KCNIP1: variants seen among roughly 807,000 people sequenced by gnomAD.
KCNIP1 encodes the protein potassium voltage-gated channel interacting protein 1.
In KCNIP1, 18 loss-of-function variants were observed where a neutral mutation model predicts 33.0. The ratio of observed to expected loss-of-function variants is 0.55; its 90% CI spans 0.38 to 0.81. The LOEUF is 0.81. Among genes scored for constraint, KCNIP1 ranks in the 30% least tolerant of loss-of-function variants. KCNIP1 has a pLI of 0.00. For missense variants in KCNIP1, 238 were observed against 271.6 expected (o/e 0.88, Z 0.87); for synonymous variants, 93 against 98.3 (o/e 0.95, Z 0.32).
At chr5:170,637,326 C>G (rs1444147729) in intron 1 of KCNIP1, among the ~76,000 whole-genome samples, 1 of 152,080 alleles carries the variant, frequency 6.6e-6, no homozygotes, top group Non-Finnish European at 1.5e-5. Flanking sequence ...ATCCAAATGA[C>G]CACCGCACCC....
intron 1 of KCNIP1, among the ~76,000 whole-genome samples, chr5:170,670,384 C>A (rs911849397): frequency 1.3e-5 from 2 of 152,152 alleles, no homozygotes; most frequent in African/African-American, 2.4e-5. Context: ...CTGACCTAAC[C>A]CTTCCAAGGA....
At chr5:170,448,418 T>C (rs1756168652) in intron 1 of KCNIP1, among the ~76,000 whole-genome samples, 1 of 152,256 alleles carries the variant, frequency 6.6e-6, no homozygotes, top group Non-Finnish European at 1.5e-5. Context: ...AGTGCTCACA[T>C]TGCTGTGCTC....
chr5:170,376,833 A>G (rs1764023722), intron 1 of KCNIP1: 1 of 152,222 alleles, frequency 6.6e-6, no homozygotes, highest in South Asian at 2.1e-4. Context: ...AAGTGTACCT[A>G]TGTAACAAAC....
chr5:170,676,173 G>GGAGGAAAGGA (rs1762133081), intron 1 of KCNIP1, among the ~76,000 whole-genome samples: 1 of 100,946 alleles, frequency 9.9e-6, no homozygotes, highest in Non-Finnish European at 2.0e-5. Flanking sequence ...GGGAAAGAAG[G>GGAGGAAAGGA]AAGGAAAGGA....
chr5:170,552,214 A>G (rs1756673882), intron 1 of KCNIP1, among the ~76,000 whole-genome samples: 1 of 152,132 alleles, frequency 6.6e-6, no homozygotes, highest in East Asian at 1.9e-4. Context: ...TGGCGTCTGA[A>G]ATAAATGAAC....
At chr5:170,508,600 C>T (rs1003225388) in intron 1 of KCNIP1, among the ~76,000 whole-genome samples, 29 of 152,228 alleles carry the variant, frequency 1.9e-4, no homozygotes, top group Non-Finnish European at 7.3e-5. Flanking sequence ...ATGCTAGTTT[C>T]TTTATCTGCA....
At chr5:170,518,359 G>A (rs926917711) in intron 1 of KCNIP1, among the ~76,000 whole-genome samples, 1 of 152,178 alleles carries the variant, frequency 6.6e-6, no homozygotes, top group Admixed American at 6.5e-5. Flanking sequence ...GAAAGAATAA[G>A]ACAAATCAGC....
intron 1 of KCNIP1, among the ~76,000 whole-genome samples, chr5:170,569,907 G>A (rs1757337363): frequency 6.6e-6 from 1 of 152,164 alleles, no homozygotes; most frequent in Admixed American, 6.5e-5. Flanking sequence ...AATTTAGCAT[G>A]GAGCGAGCCT....
chr5:170,416,617 C>T (rs1168804460), intron 1 of KCNIP1, among the ~76,000 whole-genome samples: 3 of 152,074 alleles, frequency 2.0e-5, no homozygotes, highest in African/African-American at 7.2e-5. Flanking sequence ...TCAGGCCACT[C>T]AGTATCTCCG....
At chr5:170,566,631 G>C (rs1163250408) in intron 1 of KCNIP1, among the ~76,000 whole-genome samples, 1 of 152,194 alleles carries the variant, frequency 6.6e-6, no homozygotes, top group Non-Finnish European at 1.5e-5. Flanking sequence ...TACATTGATA[G>C]ATGTAAACAG....
At position 170,725,133 on chromosome 5, in the gene KCNIP1, A is replaced by G. The variant is rs140389240; in HGVS notation, c.435+2313A>G. ...ATCAAAATAGAGAGTCAAAAAAACT[A>G]AAAGTAGAGCTACCATATGATCCAA... is the stretch of plus-strand genomic sequence containing the variant. On this transcript the variant is annotated intron_variant, in intron 5 of 7. Transcript: ENST00000328939. Among the ~76,000 whole-genome samples, 5 of 152,348 alleles carry G rather than the reference A, an allele frequency of 3.3e-5. No homozygotes were observed. In the East Asian group the frequency reaches 9.6e-4, roughly 29 times the overall value.
At chr5:170,725,484 A>C (rs1316895047) in intron 5 of KCNIP1, among the ~76,000 whole-genome samples, 1 of 152,152 alleles carries the variant, frequency 6.6e-6, no homozygotes, top group Non-Finnish European at 1.5e-5. Flanking sequence ...CAATATGAAG[A>C]TAGAGGGCAG....
At chr5:170,575,119 G>C (rs1247080579) in intron 1 of KCNIP1, among the ~76,000 whole-genome samples, 1 of 152,204 alleles carries the variant, frequency 6.6e-6, no homozygotes, top group Non-Finnish European at 1.5e-5. Flanking sequence ...ACTGGAAGCA[G>C]CAATCCCATT....
rs139249198 is a variant in KCNIP1 at position 170,639,334 on chromosome 5, A to C, written c.62-79424A>C. The C allele has an allele frequency of 2.6e-5, 4 of 152,306 alleles. No individual in the cohort carries two copies. In the East Asian group the frequency reaches 7.7e-4, roughly 29 times the overall value. The allele number at this position is 152,306 out of a possible 1,614,324, so 9.4% of individuals were successfully genotyped here. On this transcript the variant is annotated intron_variant, in intron 1 of 7. Transcript: ENST00000328939. Reference sequence around the variant, plus strand: ...TCCACGATCACCTCCACTTTATAAAATAAGATATCAAACTCTGAACAGAAC... The same window carrying C: ...TCCACGATCACCTCCACTTTATAAACTAAGATATCAAACTCTGAACAGAAC...
chr5:170,632,078 C>A (rs1215106427), intron 1 of KCNIP1, among the ~76,000 whole-genome samples: 1 of 152,170 alleles, frequency 6.6e-6, no homozygotes, highest in Non-Finnish European at 1.5e-5. Context: ...CCACAGAGGA[C>A]CTTCGTGCCT....
intron 5 of KCNIP1, among the ~76,000 whole-genome samples, chr5:170,724,460 A>G (rs934481290): frequency 6.6e-6 from 1 of 152,176 alleles, no homozygotes; most frequent in African/African-American, 2.4e-5. Context: ...CTAGGAAGGC[A>G]AGGTTGGTTT....
intron 1 of KCNIP1, among the ~76,000 whole-genome samples, chr5:170,705,815 T>C (rs879415813): frequency 2.0e-5 from 3 of 152,172 alleles, no homozygotes; most frequent in Non-Finnish European, 4.4e-5. Context: ...TGAGACAGTG[T>C]TTAACAGATG....
intron 7 of KCNIP1, 113 bp downstream of exon 7, chr5:170,734,011 C>T (rs2113901066): frequency 1.3e-6 from 1 of 744,770 alleles, no homozygotes; most frequent in Non-Finnish European, 2.3e-6. Context: ...CAACCCCTCC[C>T]ATCAGAGCCA....
At position 170,635,392 on chromosome 5, in the gene KCNIP1, T is replaced by C. The variant is rs1317559819; in HGVS notation, c.62-83366T>C. On this transcript the variant is annotated intron_variant, in intron 1 of 7. Coordinates refer to ENST00000328939, the MANE Select transcript of KCNIP1 (RefSeq NM_014592.4). ...TTCAGTTCTGAATCTCTTTGTTATC[T>C]TACATGTTACCCCCTCAGAGATGCC... Among the ~76,000 whole-genome samples the C allele has an allele frequency of 2.6e-5, 4 of 152,286 alleles. No individual in the cohort carries two copies. The East Asian group carries it at 7.7e-4, about 29-fold the overall frequency.
Sources: gnomAD v4.1 joint callset for allele counts (sites outside exome capture counted in the v4.1 genomes callset) on GRCh38, gnomAD v4.1.1 for gene constraint, MANE v1.5 for transcripts, NCBI Gene and HGNC (gene_info 2026-07-23, HGNC 2026-07-21) for gene names.